The following SLC26A8 variants were observed in gnomAD, a reference collection of about 807,000 sequenced individuals.
SLC26A8 encodes the protein testis anion transporter 1.
A neutral mutation model predicts 105.0 loss-of-function variants in SLC26A8; 70 were observed. The ratio of observed to expected loss-of-function variants is 0.67; its 90% CI spans 0.55 to 0.81. SLC26A8 has a LOEUF of 0.81. Among genes scored for constraint, SLC26A8 ranks in the 40% least tolerant of loss-of-function variants. SLC26A8 has a pLI of 0.00. For synonymous variants in SLC26A8, 415 were observed against 438.3 expected, an observed-to-expected ratio of 0.95 and a Z score of 0.66; for missense variants, 998 against 1,181.8, an observed-to-expected ratio of 0.84 and a Z score of 2.28.
intron 10 of SLC26A8, among the ~76,000 whole-genome samples, chr6:35,974,274 C>T (rs1013662151): frequency 2.0e-5 from 3 of 152,230 alleles, no homozygotes; most frequent in Non-Finnish European, 4.4e-5. Flanking sequence ...GCCGAGATCG[C>T]GTCACTGCAC....
intron 7 of SLC26A8, among the ~76,000 whole-genome samples, chr6:35,987,296 G>A (rs556015754): frequency 1.3e-5 from 2 of 152,186 alleles, no homozygotes; most frequent in African/African-American, 4.8e-5. Context: ...CAAAGTCCAT[G>A]GTGGGTTGGT....
intron 2 of SLC26A8, among the ~76,000 whole-genome samples, chr6:36,018,825 A>T (rs1762058412): frequency 6.6e-6 from 1 of 152,228 alleles, no homozygotes. Context: ...GTGGTGGTAG[A>T]TTCTACCTTA....
chr6:35,977,291 G>A lies in SLC26A8; in HGVS notation c.1086C>T (p.Phe362=). ...GAAAGGAGCTCACCAAAGATAAGGA[G>A]AAGGCTTGTAAAATTATCTTGGGAA... ...SLLPKIILQA[F]SLSLVSSFLL... Residue 362 remains phenylalanine, a synonymous_variant, in exon 9 of 20, where the codon TTC becomes TTT. Coordinates refer to ENST00000490799, the MANE Select transcript of SLC26A8 (RefSeq NM_052961.4). The A allele has an allele frequency of 6.2e-7, 1 of 1,614,076 alleles. No homozygotes were observed. The highest frequency in any genetic ancestry group is 1.1e-5 in the South Asian group (1 of 91,066).
At chr6:35,993,274 G>A (rs1174029649) in intron 5 of SLC26A8, among the ~76,000 whole-genome samples, 1 of 150,820 alleles carries the variant, frequency 6.6e-6, no homozygotes, top group Admixed American at 6.7e-5. Context: ...CAAAACCCTG[G>A]GATTACAGGC....
At chr6:35,999,874 T>G in intron 4 of SLC26A8, 118 bp downstream of exon 4, 1 of 670,756 alleles carries the variant, frequency 1.5e-6, no homozygotes, top group East Asian at 2.5e-5. Flanking sequence ...GGATAGAATG[T>G]CCACCTCCTG....
At chr6:35,949,137 A>C (rs993027009) in intron 19 of SLC26A8, among the ~76,000 whole-genome samples, 1 of 152,030 alleles carries the variant, frequency 6.6e-6, no homozygotes, top group Non-Finnish European at 1.5e-5. Context: ...TACATAGATA[A>C]AAAATAAAGA....
At chr6:36,018,566 T>C (rs1762051173) in intron 2 of SLC26A8, among the ~76,000 whole-genome samples, 1 of 152,170 alleles carries the variant, frequency 6.6e-6, no homozygotes, top group Admixed American at 6.5e-5. Flanking sequence ...GATGAAAAAG[T>C]TTTGGAAATA....
At chr6:35,988,521 G>A (rs1773620594) in intron 7 of SLC26A8, among the ~76,000 whole-genome samples, 1 of 151,990 alleles carries the variant, frequency 6.6e-6, no homozygotes, top group Non-Finnish European at 1.5e-5. Flanking sequence ...TGTAATCCCA[G>A]CTACTCGGGA....
intron 8 of SLC26A8, among the ~76,000 whole-genome samples, chr6:35,979,538 A>G (rs1773187018): frequency 6.6e-6 from 1 of 152,190 alleles, no homozygotes; most frequent in African/African-American, 2.4e-5. Context: ...GTAATGAGCT[A>G]AGTAGAAGCA....
At chr6:35,968,602 T>A (rs1772618357) in intron 11 of SLC26A8, among the ~76,000 whole-genome samples, 2 of 40,550 alleles carry the variant, frequency 4.9e-5, no homozygotes, top group African/African-American at 3.2e-4. Context: ...TGTGTGTGTG[T>A]GTGTGTGTAT....
At position 35,992,571 on chromosome 6, in the gene SLC26A8, T is replaced by G; in HGVS notation, c.731A>C (p.Gln244Pro). ...AAVALHIMLS[Q>P]LTFIFGIMIS... ...CATAATCCCAAAGATGAAAGTCAGCTGGGACAGCATGATATGAAGTGCCAC... is the reference window on the plus strand; with the variant it reads ...CATAATCCCAAAGATGAAAGTCAGCGGGGACAGCATGATATGAAGTGCCAC... The change falls in exon 6 of 20, where the codon CAG becomes CCG. Residue 244 changes from glutamine to proline, a missense_variant. Physicochemically the swap from Gln to Pro is moderately conservative, Grantham distance 76. Transcript: ENST00000490799. 1 of 1,614,140 alleles carries G rather than the reference T, an allele frequency of 6.2e-7. No homozygotes were observed. Among genetic ancestry groups the G allele is most frequent in the Non-Finnish European group, 8.5e-7 (1 of 1,180,006 alleles).
chr6:36,012,376 T>A lies in SLC26A8; in HGVS notation c.189-4A>T, dbSNP rs767460955. 2 of 1,568,470 alleles carry A rather than the reference T, an allele frequency of 1.3e-6. No individual in the cohort carries two copies. The highest frequency in any genetic ancestry group is 2.4e-5 in the South Asian group (2 of 83,076). On this transcript the variant is annotated splice_polypyrimidine_tract_variant and splice_region_variant and intron_variant, in intron 2 of 19. Coordinates refer to ENST00000490799, the MANE Select transcript of SLC26A8 (RefSeq NM_052961.4). Reference sequence around the variant, plus strand: ...TAGGAACCTGTGCCATGAGCAGCTGTGAGAGAGAGGAGCAGAGACTTGGTT... The same window carrying A: ...TAGGAACCTGTGCCATGAGCAGCTGAGAGAGAGAGGAGCAGAGACTTGGTT...
intron 19 of SLC26A8, among the ~76,000 whole-genome samples, chr6:35,947,773 A>T (rs1024607475): frequency 1.3e-5 from 2 of 152,082 alleles, no homozygotes; most frequent in African/African-American, 2.4e-5. Flanking sequence ...TCTGTGAAAG[A>T]TACAAATATT....
chr6:35,961,245 G>A, intron 12 of SLC26A8, 146 bp from the exon 13 acceptor site: 2 of 659,024 alleles, frequency 3.0e-6, no homozygotes, highest in African/African-American at 1.8e-5. Flanking sequence ...ATGGACTGGT[G>A]CCATGACAAA....
intron 3 of SLC26A8, among the ~76,000 whole-genome samples, chr6:36,002,089 C>T (rs1270910773): frequency 1.3e-5 from 2 of 152,190 alleles, no homozygotes; most frequent in Non-Finnish European, 2.9e-5. Context: ...TTTTTCACCA[C>T]ATTTTTTCCC....
chr6:35,987,432 C>T (rs529468913), intron 7 of SLC26A8, among the ~76,000 whole-genome samples: 1 of 152,232 alleles, frequency 6.6e-6, no homozygotes, highest in South Asian at 2.1e-4. Context: ...AGTGCAGTGG[C>T]ATGATCTCAG....
At chr6:35,959,653 G>A (rs1772232814) in intron 15 of SLC26A8, 61 bp downstream of exon 15, 1 of 1,607,866 alleles carries the variant, frequency 6.2e-7, no homozygotes, top group African/African-American at 1.3e-5. Flanking sequence ...GAAAGAGTGG[G>A]AGAGAGATGC....
At chr6:35,983,495 C>T (rs1773362099) in intron 7 of SLC26A8, among the ~76,000 whole-genome samples, 1 of 151,804 alleles carries the variant, frequency 6.6e-6, no homozygotes, top group Non-Finnish European at 1.5e-5. Flanking sequence ...TATAGTCTAC[C>T]TGGATCTCAG....
intron 11 of SLC26A8, among the ~76,000 whole-genome samples, chr6:35,968,593 G>GTGTGAAATATACATATGTGTGTA (rs1471021813): frequency 0.014 from 409 of 29,022 alleles, no homozygotes; most frequent in African/African-American, 0.025. Context: ...GTGTGTATGT[G>GTGTGAAATATACATATGTGTGTA]TGTGTGTGTG....
Sources: allele counts gnomAD v4.1 joint callset (sites outside exome capture counted in the v4.1 genomes callset), GRCh38; gene constraint gnomAD v4.1.1; transcripts MANE v1.5; gene names NCBI Gene and HGNC (gene_info 2026-07-23, HGNC 2026-07-21).